The following PCDHGA1 variants were observed in gnomAD, a reference collection of about 807,000 sequenced individuals.
The protein encoded by PCDHGA1 is protocadherin gamma subfamily A, 1.
A neutral mutation model predicts 58.0 loss-of-function variants in PCDHGA1; 32 were observed. The ratio of observed to expected loss-of-function variants is 0.55; its 90% CI spans 0.42 to 0.74. PCDHGA1 has a LOEUF of 0.74. Among genes scored for constraint, PCDHGA1 ranks in the 30% least tolerant of loss-of-function variants. The pLI is 0.00. For synonymous variants in PCDHGA1, 498 were observed against 501.1 expected (o/e 0.99, Z 0.08); for missense variants, 1,205 against 1,182.3 (o/e 1.02, Z -0.28).
intron 1 of PCDHGA1, among the ~76,000 whole-genome samples, chr5:141,406,629 A>G (rs2094832755): frequency 6.6e-6 from 1 of 152,188 alleles, no homozygotes; most frequent in Non-Finnish European, 1.5e-5. Context: ...TCATATCTTC[A>G]AAGGTCTTAA....
At position 141,432,851 on chromosome 5, in the gene PCDHGA1, G is replaced by T. The variant is rs561153330; in HGVS notation, c.2422-61956G>T. 8 of 1,614,198 alleles carry T rather than the reference G, an allele frequency of 5.0e-6. No homozygotes were observed. In the African/African-American group the frequency reaches 9.3e-5, roughly 19 times the overall value. ...CACTCTGTACCTGGTGGTAGCGGTG[G>T]CCGCGGTCTCCTGCGTCTTCCTGGC... On this transcript the variant is annotated intron_variant, in intron 1 of 3. Transcript: ENST00000517417. This position sits in a 1 kb window ranked among gnomAD's most constrained non-coding sequence, Gnocchi z 6.0.
At chr5:141,413,588 A>C in intron 1 of PCDHGA1, 1 of 1,613,922 alleles carries the variant, frequency 6.2e-7, no homozygotes, top group South Asian at 1.1e-5. Flanking sequence ...CCAAAATTCC[A>C]AGCAGAAAAT....
In PCDHGA1 at chr5:141,332,520, C is replaced by A. The variant is rs770128704; in HGVS notation, c.1836C>A (p.Ser612Arg). The change falls in exon 1 of 4, where the codon AGC (serine) becomes AGA (arginine). Residue 612 changes from serine to arginine, a missense_variant. Physicochemically the swap from Ser to Arg is moderately radical, Grantham distance 110 (BLOSUM62 -1). Transcript: ENST00000517417. This position sits in a 1 kb window ranked among gnomAD's most constrained non-coding sequence, Gnocchi z 4.6. ...TGTCCTACCGCCTGCTCAAGGCCAG[C>A]GAGCCGGGACTCTTCTCGGTGGGTC... ...AWLSYRLLKA[S>R]EPGLFSVGLH... The A allele has an allele frequency of 2.5e-5, 41 of 1,612,584 alleles. 1 individual carries two copies. In the Middle Eastern group the frequency reaches 1.7e-3, roughly 65 times the overall value.
In PCDHGA1 at chr5:141,511,548, A is replaced by C; in HGVS notation, c.*375A>C. 3.3e-6 allele frequency: 1 copy of C among 306,952 alleles called. No homozygotes were observed. The highest frequency in any genetic ancestry group is 6.3e-6 in the Non-Finnish European group (1 of 158,248). 19.0% of individuals were successfully genotyped at this position (306,952 alleles called of 1,614,324 possible). ...CCTCCCTCCTCCCCACCCCACTCCA[A>C]CAGTTCCTCTTTCCCGAGTAAGGTG... is the stretch of plus-strand genomic sequence containing the variant. On this transcript the variant is annotated 3_prime_UTR_variant, in exon 4 of 4. Transcript: ENST00000517417.
At chr5:141,353,194 G>A (rs1270090950) in intron 1 of PCDHGA1, among the ~76,000 whole-genome samples, 3 of 152,050 alleles carry the variant, frequency 2.0e-5, no homozygotes, top group African/African-American at 7.2e-5. Context: ...GGCAAATCTT[G>A]CTAAAGAGAC....
In PCDHGA1 at chr5:141,362,558, T is replaced by G. The variant is rs1762565840; in HGVS notation, c.2421+29453T>G. ...TTTGCCTCAGATACTATTTTGAAGG[T>G]GAGCTTTAATTAATTTATTTTCACT... On this transcript the variant is annotated intron_variant, in intron 1 of 3. Transcript: ENST00000517417. 4 of 1,611,392 alleles carry G rather than the reference T, an allele frequency of 2.5e-6. No homozygotes were observed. The Middle Eastern group carries it at 5.0e-4, about 200-fold the overall frequency.
chr5:141,452,654 T>C (rs2098746449), intron 1 of PCDHGA1, among the ~76,000 whole-genome samples: 1 of 151,162 alleles, frequency 6.6e-6, no homozygotes, highest in Non-Finnish European at 1.5e-5. Context: ...ATTTGCTCCA[T>C]CCACTGCACT....
At chr5:141,444,471 G>A (rs929365899) in intron 1 of PCDHGA1, among the ~76,000 whole-genome samples, 1 of 151,876 alleles carries the variant, frequency 6.6e-6, no homozygotes, top group Non-Finnish European at 1.5e-5. Flanking sequence ...GCGCCCGGTC[G>A]CGTACTGGAT....
At chr5:141,394,348 G>C (rs1376364642) in intron 1 of PCDHGA1, 2 of 1,614,050 alleles carry the variant, frequency 1.2e-6, no homozygotes, top group Non-Finnish European at 1.7e-6. Flanking sequence ...TCTGACACCG[G>C]TGTCCTGTAT....
rs199936765 is a variant in PCDHGA1 at position 141,408,488 on chromosome 5, T to G, written c.2421+75383T>G. Reference sequence around the variant, plus strand: ...GAACCGAATAGACCGTGAGCAAATATGCAAAGAGAGAAGAAGATGTGAGTT... The same window carrying G: ...GAACCGAATAGACCGTGAGCAAATAGGCAAAGAGAGAAGAAGATGTGAGTT... On this transcript the variant is annotated intron_variant, in intron 1 of 3. Transcript: ENST00000517417. 8.1e-5 allele frequency: 130 copies of G among 1,614,012 alleles called. No individual in the cohort carries two copies. The Middle Eastern group carries it at 1.8e-3, about 23-fold the overall frequency.
intron 1 of PCDHGA1, chr5:141,370,312 G>A (rs2149960218): frequency 2.4e-6 from 3 of 1,269,470 alleles, no homozygotes; most frequent in Non-Finnish European, 3.3e-6. Flanking sequence ...AAAGCAAATA[G>A]TTGGTCCTGC....
At chr5:141,426,492 T>A (rs1439487321) in intron 1 of PCDHGA1, 11 of 336,712 alleles carry the variant, frequency 3.3e-5, no homozygotes, top group South Asian at 2.6e-4. Flanking sequence ...TTAGAGTTAG[T>A]GCAGAGAAAC....
chr5:141,472,494 C>T (rs561045783), intron 1 of PCDHGA1, among the ~76,000 whole-genome samples: 9 of 151,168 alleles, frequency 6.0e-5, no homozygotes, highest in South Asian at 2.1e-4. Context: ...GAGACGAGAT[C>T]GTGCCACTGC....
intron 1 of PCDHGA1, among the ~76,000 whole-genome samples, chr5:141,464,240 G>A (rs1396190870): frequency 1.3e-5 from 2 of 150,444 alleles, no homozygotes; most frequent in Non-Finnish European, 2.9e-5. Context: ...ACTCCAGCCT[G>A]GGCTACAGAG....
intron 1 of PCDHGA1, chr5:141,362,139 G>A (rs1162182295): frequency 1.2e-6 from 2 of 1,614,030 alleles, no homozygotes; most frequent in Admixed American, 1.7e-5. Flanking sequence ...CGGATAGCCT[G>A]CAAGAGGTAT....
Position 141,432,147 on chromosome 5 carries a change from A to G in PCDHGA1, c.2422-62660A>G. 6.2e-7 allele frequency: 1 copy of G among 1,614,066 alleles called. No individual in the cohort carries two copies. The highest frequency in any genetic ancestry group is 8.5e-7 in the Non-Finnish European group (1 of 1,179,998). ...GCCTCCTATTCCGCTTATATCCCAG[A>G]GAACAATCCCAGAGGAGTTTCCCTC... On this transcript the variant is annotated intron_variant, in intron 1 of 3. Transcript: ENST00000517417. The surrounding 1 kb of genome is among the most constrained non-coding windows in gnomAD (Gnocchi z 6.0).
chr5:141,429,861 A>G (rs1483953460), intron 1 of PCDHGA1, among the ~76,000 whole-genome samples: 1 of 152,226 alleles, frequency 6.6e-6, no homozygotes, highest in Non-Finnish European at 1.5e-5. Flanking sequence ...TCTTTGGACT[A>G]CCAATTTTCT....
At position 141,432,807 on chromosome 5, in the gene PCDHGA1, ACT is replaced by A. The variant is rs542925824; in HGVS notation, c.2422-61997_2422-61996del. On this transcript the variant is annotated intron_variant, in intron 1 of 3. Coordinates refer to ENST00000517417, the MANE Select transcript of PCDHGA1 (RefSeq NM_018912.3). This position sits in a 1 kb window ranked among gnomAD's most constrained non-coding sequence, Gnocchi z 6.0. ...CTCGGCAGCCTCGAGTCTCCAGCTA[ACT>A]CTGAAACCTCAGACCTCACTCTGTA... 352 of 1,613,946 alleles carry A rather than the reference ACT, an allele frequency of 2.2e-4. 2 individuals carry two copies. The African/African-American group carries it at 4.2e-3, about 19-fold the overall frequency.
intron 1 of PCDHGA1, chr5:141,419,343 A>G: frequency 6.2e-7 from 1 of 1,613,806 alleles, no homozygotes; most frequent in East Asian, 2.2e-5. Flanking sequence ...ATTGCCAGCG[A>G]CCTGGAGTCA....
Sources: allele counts gnomAD v4.1 joint callset (sites outside exome capture counted in the v4.1 genomes callset), GRCh38; gene constraint gnomAD v4.1.1; non-coding constraint Gnocchi (gnomAD v3.1); transcripts MANE v1.5; gene names NCBI Gene and HGNC (gene_info 2026-07-23, HGNC 2026-07-21).